The following CSMD1 variants were observed in gnomAD, a reference collection of about 807,000 sequenced individuals.
CSMD1 encodes CUB and sushi domain-containing protein 1.
Under a neutral mutation model 417.5 loss-of-function variants are expected in CSMD1, and 213 were observed. The observed-to-expected ratio is 0.51, with a 90% CI of 0.46 to 0.57. The LOEUF (loss-of-function observed/expected upper bound fraction) is 0.57, where lower values mean the gene tolerates loss of function less well. CSMD1 is among the 20% of genes least tolerant of loss of function. The probability of loss-of-function intolerance (pLI) is 0.00; values close to 1 mark genes in which losing one functional copy is unlikely to be tolerated. For synonymous variants in CSMD1, 2,862 were observed against 1,736.8 expected (o/e 1.65, Z -16.11); for missense variants, 6,923 against 4,529.7 (o/e 1.53, Z -15.17).
chr8:3,013,325 C>T (rs553012284), intron 52 of CSMD1, among the ~76,000 whole-genome samples: 108 of 152,274 alleles, frequency 7.1e-4, no homozygotes, highest in African/African-American at 2.4e-3. Context: ...TGACTCTACC[C>T]GTCAGGGCTG....
intron 1 of CSMD1, among the ~76,000 whole-genome samples, chr8:4,880,306 T>C (rs1356762560): frequency 6.6e-6 from 1 of 152,072 alleles, no homozygotes; most frequent in African/African-American, 2.4e-5. Flanking sequence ...CACACCACCT[T>C]GATTCCACTG....
intron 3 of CSMD1, among the ~76,000 whole-genome samples, chr8:4,044,456 G>A (rs905873949): frequency 1.3e-5 from 2 of 152,070 alleles, no homozygotes; most frequent in African/African-American, 4.8e-5. Context: ...TGCTTAACTC[G>A]ATTTAACTGG....
chr8:4,624,078 G>T (rs1585348328), intron 2 of CSMD1, among the ~76,000 whole-genome samples: 1 of 152,112 alleles, frequency 6.6e-6, no homozygotes, highest in African/African-American at 2.4e-5. Context: ...CTTGCGTAAA[G>T]AAATCTATTA....
intron 2 of CSMD1, among the ~76,000 whole-genome samples, chr8:4,437,505 C>T (rs1374331274): frequency 1.3e-5 from 2 of 152,154 alleles, no homozygotes; most frequent in South Asian, 4.2e-4. Flanking sequence ...TATAACATAG[C>T]CGCGTATGTA....
At chr8:3,640,092 G>C (rs867817704) in intron 7 of CSMD1, among the ~76,000 whole-genome samples, 1 of 152,142 alleles carries the variant, frequency 6.6e-6, no homozygotes, top group African/African-American at 2.4e-5. Flanking sequence ...AAAATTGAAG[G>C]CTCTCCCATG....
chr8:4,450,331 T>C (rs1799065359), intron 2 of CSMD1, among the ~76,000 whole-genome samples: 1 of 152,140 alleles, frequency 6.6e-6, no homozygotes, highest in Non-Finnish European at 1.5e-5. Context: ...CTTTGTTTTT[T>C]TAAAGATATT....
chr8:3,284,554 C>T (rs1803000942), intron 25 of CSMD1: 1 of 568,234 alleles, frequency 1.8e-6, no homozygotes, highest in Non-Finnish European at 3.2e-6. Flanking sequence ...CACAGGACCT[C>T]AGTCTGTCAT....
chr8:3,927,894 G>T (rs558500251), intron 5 of CSMD1, among the ~76,000 whole-genome samples: 16 of 152,054 alleles, frequency 1.1e-4, no homozygotes, highest in African/African-American at 3.4e-4. Context: ...AGAGTCGAAG[G>T]TTACCTAAAA....
At chr8:4,446,138 G>T (rs140148340) in intron 2 of CSMD1, among the ~76,000 whole-genome samples, 4 of 152,164 alleles carry the variant, frequency 2.6e-5, no homozygotes, top group Admixed American at 1.3e-4. Flanking sequence ...CGTTACATAC[G>T]TGAGTTTTGA....
At position 4,223,327 on chromosome 8, in the gene CSMD1, A is replaced by C. The variant is rs577092014; in HGVS notation, c.416-191228T>G. Among the ~76,000 whole-genome samples the C allele has an allele frequency of 3.3e-5, 5 of 152,336 alleles. No individual in the cohort carries two copies. In the East Asian group the frequency reaches 9.7e-4, roughly 29 times the overall value. Reference sequence around the variant, plus strand: ...CACACTCGTGGGGACTCTGAAGAACACTGTTGTCTCAGAACAATTTAAACT... The same window carrying C: ...CACACTCGTGGGGACTCTGAAGAACCCTGTTGTCTCAGAACAATTTAAACT... On this transcript the variant is annotated intron_variant, in intron 3 of 69. Transcript: ENST00000635120.
intron 5 of CSMD1, among the ~76,000 whole-genome samples, chr8:3,918,650 T>A (rs1809002109): frequency 6.6e-6 from 1 of 152,084 alleles, no homozygotes; most frequent in Non-Finnish European, 1.5e-5. Flanking sequence ...AACGAGTGGA[T>A]AAAGAAGCTG....
intron 3 of CSMD1, among the ~76,000 whole-genome samples, chr8:4,131,824 G>C (rs559045793): frequency 7.1e-6 from 1 of 140,718 alleles, no homozygotes; most frequent in Non-Finnish European, 1.5e-5. Flanking sequence ...CTGCAGTGGT[G>C]CGATCCCGGC....
intron 2 of CSMD1, among the ~76,000 whole-genome samples, chr8:4,516,027 G>A (rs1803100522): frequency 6.6e-6 from 1 of 152,096 alleles, no homozygotes; most frequent in South Asian, 2.1e-4. Context: ...ATCCTGTTGA[G>A]GACTGAGTTC....
At chr8:3,686,128 A>G (rs1157955973) in intron 7 of CSMD1, among the ~76,000 whole-genome samples, 1 of 152,136 alleles carries the variant, frequency 6.6e-6, no homozygotes, top group Non-Finnish European at 1.5e-5. Context: ...AAAGAAAAAA[A>G]AACTGTCTAT....
intron 5 of CSMD1, among the ~76,000 whole-genome samples, chr8:3,985,319 A>T (rs1349680617): frequency 8.5e-5 from 13 of 152,194 alleles, no homozygotes; most frequent in African/African-American, 3.1e-4. Flanking sequence ...TAAAGCAGGC[A>T]TATATGTTTT....
At chr8:3,094,820 A>AAAAAAAAAG (rs1815186344) in intron 47 of CSMD1, among the ~76,000 whole-genome samples, 1 of 143,578 alleles carries the variant, frequency 7.0e-6, no homozygotes, top group African/African-American at 2.6e-5. Flanking sequence ...AAAAAAAAAA[A>AAAAAAAAAG]GAGAGAGAGA....
At chr8:3,424,064 T>C (rs114764248) in intron 12 of CSMD1, among the ~76,000 whole-genome samples, 2,141 of 152,294 alleles carry the variant, frequency 0.014, 42 homozygotes, top group African/African-American at 0.047. Context: ...TAAAAATTAT[T>C]TGTTTTATGT....
At chr8:2,962,266 T>C (rs2128926079) in intron 61 of CSMD1, among the ~76,000 whole-genome samples, 200 bp downstream of exon 61, 1 of 152,338 alleles carries the variant, frequency 6.6e-6, no homozygotes, top group East Asian at 1.9e-4. Flanking sequence ...TTCTGACTTA[T>C]TTTGCATGAT....
chr8:3,427,878 T>C (rs1013652868), intron 12 of CSMD1, among the ~76,000 whole-genome samples: 1 of 152,234 alleles, frequency 6.6e-6, no homozygotes, highest in Non-Finnish European at 1.5e-5. Flanking sequence ...CAATGTGTAA[T>C]GTTAGCATCA....
Sources: gnomAD v4.1 joint callset for allele counts (sites outside exome capture counted in the v4.1 genomes callset) on GRCh38, gnomAD v4.1.1 for gene constraint, MANE v1.5 for transcripts, NCBI Gene and HGNC (gene_info 2026-07-23, HGNC 2026-07-21) for gene names.